FMNL2: variants seen among roughly 807,000 people sequenced by gnomAD.
FMNL2 encodes formin like 2, also known as formin-like protein 2.
Under a neutral mutation model 130.2 loss-of-function variants are expected in FMNL2, and 51 were observed. That is an observed-to-expected ratio of 0.39 (90% confidence interval 0.31 to 0.49). FMNL2 has a LOEUF of 0.49. FMNL2 is among the 20% of genes least tolerant of loss of function. The probability of loss-of-function intolerance (pLI) is 0.85; values close to 1 mark genes in which losing one functional copy is unlikely to be tolerated. For synonymous variants in FMNL2, 465 were observed against 467.1 expected, an observed-to-expected ratio of 1.00 and a Z score of 0.06; for missense variants, 977 against 1,316.2, an observed-to-expected ratio of 0.74 and a Z score of 3.99.
At chr2:152,481,081 C>T (rs1198574234) in intron 1 of FMNL2, among the ~76,000 whole-genome samples, 1 of 152,198 alleles carries the variant, frequency 6.6e-6, no homozygotes, top group East Asian at 1.9e-4. Context: ...AGTCATTCTG[C>T]CTCTGCGCAT....
intron 9 of FMNL2, among the ~76,000 whole-genome samples, chr2:152,596,460 G>A (rs1262562802): frequency 2.6e-5 from 4 of 152,136 alleles, no homozygotes; most frequent in African/African-American, 9.7e-5. Context: ...TTAGATTTTA[G>A]GTTTAAGAAT....
intron 1 of FMNL2, among the ~76,000 whole-genome samples, chr2:152,421,762 C>T (rs901749352): frequency 6.6e-6 from 1 of 152,094 alleles, no homozygotes; most frequent in African/African-American, 2.4e-5. Flanking sequence ...AGAGATATGA[C>T]CAGGGAGTGA....
At chr2:152,406,762 T>G (rs1452263962) in intron 1 of FMNL2, among the ~76,000 whole-genome samples, 2 of 152,236 alleles carry the variant, frequency 1.3e-5, no homozygotes, top group African/African-American at 4.8e-5. Flanking sequence ...CTGTTCCACT[T>G]TAAGTCTAAG....
At chr2:152,361,861 TA>T (rs1166353747) in intron 1 of FMNL2, among the ~76,000 whole-genome samples, 1 of 152,220 alleles carries the variant, frequency 6.6e-6, no homozygotes, top group African/African-American at 2.4e-5. Context: ...TATGAGGAAT[TA>T]CACTCATTTT....
intron 2 of FMNL2, among the ~76,000 whole-genome samples, chr2:152,525,382 C>T (rs1261524229): frequency 6.6e-6 from 1 of 152,012 alleles, no homozygotes; most frequent in Non-Finnish European, 1.5e-5. Context: ...GTGTAGATTC[C>T]ACCAACATAT....
At chr2:152,575,640 G>A (rs140445570) in intron 7 of FMNL2, among the ~76,000 whole-genome samples, 1 of 152,220 alleles carries the variant, frequency 6.6e-6, no homozygotes, top group East Asian at 1.9e-4. Flanking sequence ...TAAAGGAAAG[G>A]TGTTTTCCTC....
At chr2:152,614,808 A>G (rs774388202) in intron 11 of FMNL2, 43 bp from the exon 12 acceptor site, 8 of 1,550,360 alleles carry the variant, frequency 5.2e-6, no homozygotes, top group East Asian at 4.6e-5. Context: ...TTCTATTTCC[A>G]TAGATGAGCT....
At chr2:152,482,666 A>T (rs574248674) in intron 1 of FMNL2, among the ~76,000 whole-genome samples, 1 of 152,202 alleles carries the variant, frequency 6.6e-6, no homozygotes, top group African/African-American at 2.4e-5. Context: ...TTCTCCATCT[A>T]CAAAATGGGA....
intron 1 of FMNL2, among the ~76,000 whole-genome samples, chr2:152,457,663 G>T (rs1373404920): frequency 6.6e-6 from 1 of 152,146 alleles, no homozygotes; most frequent in African/African-American, 2.4e-5. Context: ...ATTGCTACTG[G>T]AACAAATTAC....
intron 20 of FMNL2, among the ~76,000 whole-genome samples, chr2:152,631,593 T>C (rs953650830): frequency 2.6e-5 from 4 of 152,072 alleles, no homozygotes; most frequent in African/African-American, 4.8e-5. Context: ...TGCGAGGTTT[T>C]ATCATGCTGC....
At chr2:152,400,540 C>T (rs961950458) in intron 1 of FMNL2, among the ~76,000 whole-genome samples, 1 of 152,154 alleles carries the variant, frequency 6.6e-6, no homozygotes, top group Non-Finnish European at 1.5e-5. Context: ...TTTTAGGGGG[C>T]AGAAGGAAGA....
At chr2:152,439,722 C>T (rs1206834803) in intron 1 of FMNL2, among the ~76,000 whole-genome samples, 3 of 151,036 alleles carry the variant, frequency 2.0e-5, no homozygotes, top group Non-Finnish European at 2.9e-5. Context: ...GGTGCTGACT[C>T]CCCATACTGA....
chr2:152,438,866 A>C (rs1300139493), intron 1 of FMNL2, among the ~76,000 whole-genome samples: 1 of 152,194 alleles, frequency 6.6e-6, no homozygotes, highest in East Asian at 1.9e-4. Flanking sequence ...TCTTTCATAA[A>C]GTAAAATTTT....
At chr2:152,461,085 G>T (rs185821240) in intron 1 of FMNL2, among the ~76,000 whole-genome samples, 5 of 152,254 alleles carry the variant, frequency 3.3e-5, no homozygotes, top group African/African-American at 1.2e-4. Flanking sequence ...TAGAGGATAA[G>T]AAAAGAGTAA....
chr2:152,436,115 G>A (rs1030278062), intron 1 of FMNL2, among the ~76,000 whole-genome samples: 4 of 151,236 alleles, frequency 2.6e-5, no homozygotes, highest in African/African-American at 7.3e-5. Context: ...TTGCAATCCC[G>A]TGCTTGATAA....
At chr2:152,441,259 G>A (rs1193387315) in intron 1 of FMNL2, among the ~76,000 whole-genome samples, 1 of 152,186 alleles carries the variant, frequency 6.6e-6, no homozygotes, top group Non-Finnish European at 1.5e-5. Context: ...GCAAGTGATT[G>A]ATACTCACAA....
intron 5 of FMNL2, among the ~76,000 whole-genome samples, chr2:152,559,898 C>G (rs2105592158): frequency 6.6e-6 from 1 of 152,208 alleles, no homozygotes; most frequent in East Asian, 1.9e-4. Flanking sequence ...CCTCCATGGA[C>G]TTTGTGCATC....
Position 152,578,496 on chromosome 2 carries a change from C to G in FMNL2, c.706-392C>G, listed in dbSNP as rs181041002. Reference sequence around the variant, plus strand: ...GCGGCCAAGGTTAATAATCACTGGGCTAGAGCCTTTTTATCATTTTAATAA... The same window carrying G: ...GCGGCCAAGGTTAATAATCACTGGGGTAGAGCCTTTTTATCATTTTAATAA... On this transcript the variant is annotated intron_variant, in intron 7 of 25. Coordinates refer to ENST00000288670, the MANE Select transcript of FMNL2 (RefSeq NM_052905.4). 1.8e-3 allele frequency: 279 copies of G among 159,300 alleles called. 3 individuals carry two copies. The South Asian group carries it at 0.026, about 15-fold the overall frequency. The allele number at this position is 159,300 out of a possible 1,614,324, so 9.9% of individuals were successfully genotyped here.
chr2:152,554,023 AC>A (rs2105557153), intron 4 of FMNL2, among the ~76,000 whole-genome samples: 1 of 152,214 alleles, frequency 6.6e-6, no homozygotes, highest in East Asian at 1.9e-4. Flanking sequence ...TTTTAGTAGT[AC>A]CCCCAAAATT....
Sources: allele counts gnomAD v4.1 joint callset (sites outside exome capture counted in the v4.1 genomes callset), GRCh38; gene constraint gnomAD v4.1.1; transcripts MANE v1.5; gene names NCBI Gene and HGNC (gene_info 2026-07-23, HGNC 2026-07-21).